The following LPAR1 variants were observed in gnomAD, a reference collection of about 807,000 sequenced individuals.
The protein encoded by LPAR1 is lysophosphatidic acid receptor 1.
In LPAR1, 5 loss-of-function variants were observed where a neutral mutation model predicts 23.8. The observed-to-expected ratio is 0.21, with a 90% CI of 0.11 to 0.44. The LOEUF is 0.44. Ranked by LOEUF, LPAR1 falls within the 20% of genes least tolerant of loss-of-function variation. The pLI, the probability that LPAR1 is intolerant of heterozygous loss-of-function variation, is 0.99. For synonymous variants in LPAR1, 160 were observed against 164.7 expected, an observed-to-expected ratio of 0.97 and a Z score of 0.22; for missense variants, 311 against 482.8, an observed-to-expected ratio of 0.64 and a Z score of 3.33.
At position 110,891,811 on chromosome 9, in the gene LPAR1, A is replaced by G. The variant is rs999883411; in HGVS notation, c.794-16089T>C. 6.6e-5 allele frequency among the ~76,000 whole-genome samples: 10 copies of G among 152,344 alleles called. 1 individual carries two copies. Among genetic ancestry groups the G allele is most frequent in the Middle Eastern group, 3.4e-3 (1 of 294 alleles). On this transcript the variant is annotated intron_variant, in intron 5 of 5. Transcript: ENST00000683809. ...AAGGCGATCAGCTTCACTAGTCATCAGGGAAATGCAAATTAAATCCACAAT... is the reference window on the plus strand; with the variant it reads ...AAGGCGATCAGCTTCACTAGTCATCGGGGAAATGCAAATTAAATCCACAAT...
At chr9:110,973,863 T>C (rs2138389079) in intron 2 of LPAR1, among the ~76,000 whole-genome samples, 1 of 152,322 alleles carries the variant, frequency 6.6e-6, no homozygotes, top group East Asian at 1.9e-4. Flanking sequence ...TAACAATATC[T>C]TTTCTTTTAT....
At chr9:110,989,189 T>C (rs1258472908) in intron 2 of LPAR1, among the ~76,000 whole-genome samples, 1 of 152,172 alleles carries the variant, frequency 6.6e-6, no homozygotes, top group African/African-American at 2.4e-5. Context: ...AAACATTTTC[T>C]GAGCTTGATT....
rs2078708003 is a variant in LPAR1 at position 110,874,482 on chromosome 9, G to A, written c.*939C>T. The A allele has an allele frequency of 6.6e-6, 1 of 152,492 alleles. No individual in the cohort carries two copies. Among genetic ancestry groups the A allele is most frequent in the Non-Finnish European group, 1.5e-5 (1 of 68,004 alleles). 9.4% of individuals were successfully genotyped at this position (152,492 alleles called of 1,614,324 possible). ...TTACTTCTGGGTTGTGATATTATCA[G>A]TAATCATTTTTGCTTTTTTATACAT... is the stretch of plus-strand genomic sequence containing the variant. On this transcript the variant is annotated 3_prime_UTR_variant, in exon 6 of 6. Coordinates refer to ENST00000683809, the MANE Select transcript of LPAR1 (RefSeq NM_001351411.2).
chr9:111,030,094 A>AG (rs926469550), intron 2 of LPAR1, among the ~76,000 whole-genome samples: 17 of 152,054 alleles, frequency 1.1e-4, no homozygotes, highest in African/African-American at 4.1e-4. Flanking sequence ...GCCAAACGTA[A>AG]GGACACAGAA....
chr9:111,036,847 A>G (rs1224960021), intron 1 of LPAR1, among the ~76,000 whole-genome samples: 1 of 152,184 alleles, frequency 6.6e-6, no homozygotes, highest in African/African-American at 2.4e-5. Flanking sequence ...TATTATTCAT[A>G]ATTTTGCATT....
chr9:110,918,026 C>T (rs2093336025), intron 5 of LPAR1, among the ~76,000 whole-genome samples: 1 of 152,144 alleles, frequency 6.6e-6, no homozygotes, highest in Non-Finnish European at 1.5e-5. Flanking sequence ...ACTCAGCCTT[C>T]CAAGTAGCTG....
At chr9:111,005,633 C>T (rs1281713003) in intron 2 of LPAR1, among the ~76,000 whole-genome samples, 1 of 151,306 alleles carries the variant, frequency 6.6e-6, no homozygotes, top group African/African-American at 2.4e-5. Flanking sequence ...TCCCCAAGAC[C>T]TCCCCTGATC....
chr9:110,909,682 G>T (rs1299087063), intron 5 of LPAR1, among the ~76,000 whole-genome samples: 5 of 151,964 alleles, frequency 3.3e-5, no homozygotes, highest in Admixed American at 1.3e-4. Flanking sequence ...CTGTTATGGT[G>T]ATCTGTGATC....
chr9:110,976,359 A>T (rs2096554619), intron 2 of LPAR1, among the ~76,000 whole-genome samples: 1 of 146,028 alleles, frequency 6.8e-6, no homozygotes, highest in Non-Finnish European at 1.5e-5. Context: ...AAAAAAATTT[A>T]GCCAGGCGTG....
Position 110,874,632 on chromosome 9 carries a change from G to C in LPAR1, c.*789C>G, listed in dbSNP as rs2078731823. The C allele has an allele frequency of 1.3e-5, 2 of 152,518 alleles. No individual in the cohort carries two copies. Among genetic ancestry groups the C allele is most frequent in the Non-Finnish European group, 2.9e-5 (2 of 68,010 alleles). The allele number at this position is 152,518 out of a possible 1,614,324, so 9.4% of individuals were successfully genotyped here. On this transcript the variant is annotated 3_prime_UTR_variant, in exon 6 of 6. Coordinates refer to ENST00000683809, the MANE Select transcript of LPAR1 (RefSeq NM_001351411.2). ...TTAAATATATGGGAACAATATTATA[G>C]TGCTTCATCTTCTATGACTTTTTTG...
At chr9:110,940,530 G>T (rs2095031002) in intron 5 of LPAR1, among the ~76,000 whole-genome samples, 1 of 152,128 alleles carries the variant, frequency 6.6e-6, no homozygotes. Context: ...TTTCAAAAAA[G>T]ATTTTTTAAT....
intron 5 of LPAR1, among the ~76,000 whole-genome samples, chr9:110,891,000 T>C (rs977536934): frequency 2.0e-5 from 3 of 152,216 alleles, no homozygotes; most frequent in African/African-American, 7.2e-5. Context: ...AACGATATAC[T>C]AGAAGTATTC....
chr9:110,915,027 T>C (rs948159719), intron 5 of LPAR1, among the ~76,000 whole-genome samples: 1 of 152,164 alleles, frequency 6.6e-6, no homozygotes, highest in East Asian at 1.9e-4. Context: ...GCAAGCTGCA[T>C]GCACTTGCAG....
intron 5 of LPAR1, among the ~76,000 whole-genome samples, chr9:110,907,500 G>A (rs991039936): frequency 1.3e-5 from 2 of 152,062 alleles, no homozygotes; most frequent in Admixed American, 6.6e-5. Flanking sequence ...ACTGACCCCC[G>A]ACTTTTCTGT....
At chr9:110,991,180 CTTAGA>C (rs748677186) in intron 2 of LPAR1, among the ~76,000 whole-genome samples, 4 of 152,144 alleles carry the variant, frequency 2.6e-5, no homozygotes, top group Non-Finnish European at 4.4e-5. Flanking sequence ...GCAAAGTTTC[CTTAGA>C]TAAGATACCT....
chr9:111,005,184 G>GCTCTAATCTCATTTCATTTCT (rs2097193232), intron 2 of LPAR1, among the ~76,000 whole-genome samples: 1 of 147,104 alleles, frequency 6.8e-6, no homozygotes, highest in South Asian at 2.2e-4. Flanking sequence ...AAGTTCTCTA[G>GCTCTAATCTCATTTCATTTCT]CTCTAATCTC....
intron 4 of LPAR1, among the ~76,000 whole-genome samples, chr9:110,962,907 CTA>C (rs1287571016): frequency 6.6e-6 from 1 of 152,156 alleles, no homozygotes; most frequent in Non-Finnish European, 1.5e-5. Flanking sequence ...CCCCTGGACT[CTA>C]TGATTTTCTC....
intron 2 of LPAR1, among the ~76,000 whole-genome samples, chr9:110,997,827 C>G (rs564616340): frequency 3.2e-4 from 49 of 152,302 alleles, no homozygotes; most frequent in Admixed American, 1.1e-3. Context: ...TATAGTAACA[C>G]TGAGTCCTGT....
At chr9:110,925,094 C>T (rs1004874255) in intron 5 of LPAR1, among the ~76,000 whole-genome samples, 1 of 152,106 alleles carries the variant, frequency 6.6e-6, no homozygotes, top group Non-Finnish European at 1.5e-5. Context: ...CATCACACAA[C>T]AGGCAATATG....
Sources: gnomAD v4.1 joint callset for allele counts (sites outside exome capture counted in the v4.1 genomes callset) on GRCh38, gnomAD v4.1.1 for gene constraint, MANE v1.5 for transcripts, NCBI Gene and HGNC (gene_info 2026-07-23, HGNC 2026-07-21) for gene names.